ADK: variants seen among roughly 807,000 people sequenced by gnomAD.
The protein encoded by ADK is N6,N6-dimethyladenosine kinase.
In ADK, 24 loss-of-function variants were observed where a neutral mutation model predicts 44.7. That is an observed-to-expected ratio of 0.54 (90% confidence interval 0.39 to 0.76). The LOEUF (loss-of-function observed/expected upper bound fraction) is 0.76. Ranked by LOEUF, ADK falls within the 30% of genes least tolerant of loss-of-function variation. ADK has a pLI of 0.00. For synonymous variants in ADK, 128 were observed against 142.6 expected (o/e 0.90, Z 0.73); for missense variants, 321 against 425.1 (o/e 0.76, Z 2.15).
intron 6 of ADK, among the ~76,000 whole-genome samples, chr10:74,482,901 T>C (rs1847126084): frequency 6.6e-6 from 1 of 152,176 alleles, no homozygotes; most frequent in Non-Finnish European, 1.5e-5. Flanking sequence ...TCAGCTCCCA[T>C]GTCAGCTCTC....
chr10:74,208,991 T>C (rs1591856935), intron 2 of ADK, among the ~76,000 whole-genome samples: 1 of 152,020 alleles, frequency 6.6e-6, no homozygotes, highest in Non-Finnish European at 1.5e-5. Flanking sequence ...CCCACCTCGG[T>C]CTCCCAAAGT....
At chr10:74,544,391 C>G (rs1462985926) in intron 7 of ADK, among the ~76,000 whole-genome samples, 1 of 152,114 alleles carries the variant, frequency 6.6e-6, no homozygotes. Flanking sequence ...AAGCTCTGTG[C>G]TAGGAATCCA....
intron 9 of ADK, among the ~76,000 whole-genome samples, chr10:74,659,043 C>A (rs554095241): frequency 6.6e-6 from 1 of 151,914 alleles, no homozygotes; most frequent in South Asian, 2.1e-4. Flanking sequence ...TAGGGAGGCC[C>A]ATCTCTATAA....
chr10:74,698,378 G>A (rs1247720516), intron 10 of ADK, among the ~76,000 whole-genome samples: 1 of 152,192 alleles, frequency 6.6e-6, no homozygotes, highest in African/African-American at 2.4e-5. Flanking sequence ...ACAGAGCTGT[G>A]CTCTTCATTT....
intron 9 of ADK, among the ~76,000 whole-genome samples, chr10:74,664,170 T>C (rs1854858081): frequency 6.6e-6 from 1 of 152,210 alleles, no homozygotes. Flanking sequence ...TAAATTATAC[T>C]ATATCCATGT....
chr10:74,349,549 A>T (rs1313308168), intron 4 of ADK, among the ~76,000 whole-genome samples: 1 of 152,204 alleles, frequency 6.6e-6, no homozygotes, highest in East Asian at 1.9e-4. Flanking sequence ...GACAGGATCA[A>T]ATTCATGTAT....
At chr10:74,655,582 A>G (rs1854453033) in intron 9 of ADK, 1 of 471,706 alleles carries the variant, frequency 2.1e-6, no homozygotes, top group Non-Finnish European at 4.2e-6. Flanking sequence ...AGGTGGGGGT[A>G]CCTACTGTGA....
At chr10:74,439,807 CA>C (rs556197971) in intron 6 of ADK, among the ~76,000 whole-genome samples, 7 of 151,870 alleles carry the variant, frequency 4.6e-5, no homozygotes, top group Non-Finnish European at 8.8e-5. Flanking sequence ...ATTATTGTCT[CA>C]ATTTGAAATA....
intron 3 of ADK, among the ~76,000 whole-genome samples, chr10:74,228,501 A>G (rs56380010): frequency 0.054 from 8,183 of 152,222 alleles, 304 homozygotes; most frequent in Non-Finnish European, 0.082. Context: ...TTTACTAAGT[A>G]TTTTTTCACC....
At chr10:74,350,089 C>T (rs1037162512) in intron 4 of ADK, among the ~76,000 whole-genome samples, 2 of 152,196 alleles carry the variant, frequency 1.3e-5, no homozygotes, top group Non-Finnish European at 2.9e-5. Context: ...ACAGAACTGT[C>T]TACCCCAAAT....
At chr10:74,213,902 C>G (rs1376078494) in intron 2 of ADK, among the ~76,000 whole-genome samples, 1 of 152,116 alleles carries the variant, frequency 6.6e-6, no homozygotes, top group Non-Finnish European at 1.5e-5. Context: ...CAATATCTTC[C>G]AATTCCAAAT....
At chr10:74,542,688 T>C (rs1021425515) in intron 7 of ADK, among the ~76,000 whole-genome samples, 1 of 152,110 alleles carries the variant, frequency 6.6e-6, no homozygotes, top group Non-Finnish European at 1.5e-5. Context: ...CTCATTAGTT[T>C]CTGGCTCACA....
intron 7 of ADK, among the ~76,000 whole-genome samples, chr10:74,526,719 A>T (rs1413274839): frequency 2.0e-5 from 3 of 152,220 alleles, no homozygotes; most frequent in Admixed American, 6.5e-5. Flanking sequence ...CATTGGAAGG[A>T]AATGCTATAT....
At chr10:74,158,688 G>T (rs933977366) in intron 1 of ADK, among the ~76,000 whole-genome samples, 1 of 152,182 alleles carries the variant, frequency 6.6e-6, no homozygotes, top group Non-Finnish European at 1.5e-5. Flanking sequence ...AGGGTTTGTG[G>T]ACTTTTATTA....
chr10:74,664,917 G>A (rs954010450), intron 9 of ADK, among the ~76,000 whole-genome samples: 3 of 152,138 alleles, frequency 2.0e-5, no homozygotes, highest in Non-Finnish European at 4.4e-5. Flanking sequence ...AATACATTAG[G>A]ACAATTAAGA....
intron 9 of ADK, among the ~76,000 whole-genome samples, chr10:74,630,325 CT>C (rs774789253): frequency 3.1e-3 from 442 of 142,120 alleles, no homozygotes; most frequent in Non-Finnish European, 3.6e-3. Flanking sequence ...AATTATCCCA[CT>C]TTTTTTTTTT....
chr10:74,300,976 T>C (rs1025764612), intron 3 of ADK, among the ~76,000 whole-genome samples: 1 of 152,216 alleles, frequency 6.6e-6, no homozygotes, highest in Non-Finnish European at 1.5e-5. Context: ...TTCTACCTTA[T>C]GTTACATTAG....
chr10:74,219,484 C>A (rs1275467933), intron 2 of ADK, among the ~76,000 whole-genome samples: 2 of 151,772 alleles, frequency 1.3e-5, no homozygotes, highest in African/African-American at 2.4e-5. Flanking sequence ...AACAAGGATA[C>A]CCAGGAATTG....
chr10:74,403,600 C>T (rs375034044), intron 6 of ADK, among the ~76,000 whole-genome samples: 19 of 152,246 alleles, frequency 1.2e-4, no homozygotes, highest in African/African-American at 2.4e-4. Flanking sequence ...ATTGGAAAAG[C>T]GCAGTATTAG....
Sources: gnomAD v4.1 joint callset for allele counts (sites outside exome capture counted in the v4.1 genomes callset) on GRCh38, gnomAD v4.1.1 for gene constraint, MANE v1.5 for transcripts, NCBI Gene and HGNC (gene_info 2026-07-23, HGNC 2026-07-21) for gene names.